PDE4D: variants seen among roughly 807,000 people sequenced by gnomAD.
PDE4D encodes 3',5'-cyclic-AMP phosphodiesterase 4D.
PDE4D carries 24 observed loss-of-function variants against 87.4 expected under a neutral mutation model. That is an observed-to-expected ratio of 0.27 (90% confidence interval 0.20 to 0.39). PDE4D has a LOEUF of 0.39. PDE4D is among the 10% of genes least tolerant of loss of function. The probability of loss-of-function intolerance (pLI) is 1.00; values close to 1 mark genes in which losing one functional copy is unlikely to be tolerated. For missense variants in PDE4D, 714 were observed against 1,041.0 expected (o/e 0.69, Z 4.32); for synonymous variants, 384 against 383.2 (o/e 1.00, Z -0.02).
intron 1 of PDE4D, among the ~76,000 whole-genome samples, chr5:59,418,054 C>T (rs957345602): frequency 6.6e-6 from 1 of 152,024 alleles, no homozygotes; most frequent in African/African-American, 2.4e-5. Context: ...TATTAGTTAC[C>T]ACCTTATTAC....
At chr5:59,054,353 A>G (rs1428039533) in intron 5 of PDE4D, among the ~76,000 whole-genome samples, 3 of 152,316 alleles carry the variant, frequency 2.0e-5, no homozygotes, top group African/African-American at 7.2e-5. Context: ...TTTATACTAT[A>G]ACCTGGTAGA....
At chr5:59,978,208 T>A (rs1761536982) in intron 3 of PDE4D, among the ~76,000 whole-genome samples, 1 of 152,318 alleles carries the variant, frequency 6.6e-6, no homozygotes, top group South Asian at 2.1e-4. Context: ...GCTATCGCTA[T>A]GATAGACACT....
intron 1 of PDE4D, among the ~76,000 whole-genome samples, chr5:60,415,682 G>C (rs1003844896): frequency 1.3e-5 from 2 of 152,210 alleles, no homozygotes; most frequent in Admixed American, 6.5e-5. Context: ...GTGCGGCCAC[G>C]CCTGAGTCTC....
chr5:59,820,027 T>G (rs1769449743), intron 1 of PDE4D, among the ~76,000 whole-genome samples: 1 of 152,162 alleles, frequency 6.6e-6, no homozygotes, highest in Non-Finnish European at 1.5e-5. Flanking sequence ...CCTTGGCCTG[T>G]CAGAAACACA....
intron 7 of PDE4D, 119 bp downstream of exon 7, chr5:58,993,253 C>A: frequency 3.7e-6 from 2 of 547,850 alleles, no homozygotes; most frequent in Non-Finnish European, 6.5e-6. Flanking sequence ...CGAATGAAAA[C>A]AAATAGAACT....
At chr5:59,546,896 G>A (rs1214388672) in intron 1 of PDE4D, among the ~76,000 whole-genome samples, 1 of 152,102 alleles carries the variant, frequency 6.6e-6, no homozygotes, top group Non-Finnish European at 1.5e-5. Context: ...TGAACTGGGT[G>A]AGTATACTCA....
At chr5:60,188,606 AG>A (rs774820003) in intron 1 of PDE4D, among the ~76,000 whole-genome samples, 4 of 152,000 alleles carry the variant, frequency 2.6e-5, no homozygotes, top group African/African-American at 4.8e-5. Context: ...GTGGAGATGG[AG>A]GGGAAATGGT....
chr5:59,061,901 A>G (rs993054957), intron 5 of PDE4D, among the ~76,000 whole-genome samples: 2 of 152,146 alleles, frequency 1.3e-5, no homozygotes, highest in African/African-American at 2.4e-5. Context: ...CATGTTGAGT[A>G]GAGACCTACC....
intron 1 of PDE4D, among the ~76,000 whole-genome samples, chr5:60,238,269 T>C (rs71627997): frequency 0.12 from 17,825 of 151,932 alleles, 1,111 homozygotes; most frequent in African/African-American, 0.15. Flanking sequence ...TGTAAGTCCA[T>C]TGCACAAATA....
At chr5:59,388,537 C>T (rs1787558794) in intron 1 of PDE4D, among the ~76,000 whole-genome samples, 1 of 151,862 alleles carries the variant, frequency 6.6e-6, no homozygotes, top group East Asian at 1.9e-4. Flanking sequence ...TATTTGCACT[C>T]CCATGTTCAT....
In PDE4D at chr5:59,531,032, A is replaced by G. The variant is rs1385217484; in HGVS notation, c.456-315064T>C. Among the ~76,000 whole-genome samples the G allele has an allele frequency of 2.6e-5, 4 of 152,252 alleles. No individual in the cohort carries two copies. In the East Asian group the frequency reaches 7.7e-4, roughly 29 times the overall value. On this transcript the variant is annotated intron_variant, in intron 1 of 14. Coordinates refer to ENST00000340635, the MANE Select transcript of PDE4D (RefSeq NM_001104631.2). ...TTTCTTAATGAACTCTCCAGCAAAC[A>G]TGAAAAAGTAAATGATGTTATTTGG...
intron 1 of PDE4D, among the ~76,000 whole-genome samples, chr5:59,706,478 C>T (rs1017855394): frequency 2.6e-5 from 4 of 152,060 alleles, no homozygotes; most frequent in Non-Finnish European, 4.4e-5. Flanking sequence ...GTGATTAAAT[C>T]GAAGGGCTGA....
Position 58,976,361 on chromosome 5 carries a change from C to T in PDE4D, c.1819G>A (p.Asp607Asn), listed in dbSNP as rs1463279737. 6.2e-7 allele frequency: 1 copy of T among 1,611,096 alleles called. No individual in the cohort carries two copies. The highest frequency in any genetic ancestry group is 8.5e-7 in the Non-Finnish European group (1 of 1,178,802). Residue 607 changes from aspartate (D) to asparagine (N), a missense_variant, in exon 13 of 15, where the codon GAT becomes AAT. Asp to Asn is a conservative substitution (Grantham distance 23). Coordinates refer to ENST00000340635, the MANE Select transcript of PDE4D (RefSeq NM_001104631.2). Reference protein sequence around the residue: ...SGVLLLDNYSDRIQVLQNMVH... With the variant: ...SGVLLLDNYSNRIQVLQNMVH... ...AAACAAGGCTTTACCTGAATCCTAT[C>T]GGAATAATTATCAAGAAGAAGAACT...
intron 1 of PDE4D, among the ~76,000 whole-genome samples, chr5:59,845,228 C>T (rs865979644): frequency 3.9e-5 from 6 of 152,072 alleles, no homozygotes; most frequent in Non-Finnish European, 7.4e-5. Context: ...GTGCTTTAAG[C>T]CACTGAGTTA....
Position 59,813,226 on chromosome 5 carries a change from C to G in PDE4D, c.455+79942G>C, listed in dbSNP as rs16890226. ...TTTTGGCAAAGATTACTAACCAAGT[C>G]AAGTTTACATTGGCTCAAGCCTCTC... On this transcript the variant is annotated intron_variant, in intron 1 of 14. Transcript: ENST00000340635. Among the ~76,000 whole-genome samples, 1,114 of 152,254 alleles carry G rather than the reference C, an allele frequency of 7.3e-3. 41 individuals carry two copies. The East Asian group carries it at 0.12, about 16-fold the overall frequency.
intron 2 of PDE4D, among the ~76,000 whole-genome samples, chr5:60,025,536 ATG>A (rs1766534803): frequency 1.3e-5 from 2 of 152,154 alleles, no homozygotes; most frequent in African/African-American, 4.8e-5. Flanking sequence ...AGCATGTAAA[ATG>A]ATTTAGTAAA....
intron 2 of PDE4D, among the ~76,000 whole-genome samples, chr5:60,090,945 A>C (rs80003647): frequency 0.019 from 2,863 of 152,232 alleles, 87 homozygotes; most frequent in African/African-American, 0.066. Context: ...CACACACACA[A>C]AAACACATCT....
chr5:59,419,726 A>G (rs576224957), intron 1 of PDE4D, among the ~76,000 whole-genome samples: 1 of 152,330 alleles, frequency 6.6e-6, no homozygotes, highest in Non-Finnish European at 1.5e-5. Flanking sequence ...AATATTTATT[A>G]TTGACATTGA....
At chr5:59,694,646 ATCT>A (rs948949642) in intron 1 of PDE4D, among the ~76,000 whole-genome samples, 3 of 152,204 alleles carry the variant, frequency 2.0e-5, no homozygotes, top group Non-Finnish European at 4.4e-5. Flanking sequence ...CATCCAGTAC[ATCT>A]TCTTCTTGAC....
Sources: gnomAD v4.1 joint callset for allele counts (sites outside exome capture counted in the v4.1 genomes callset) on GRCh38, gnomAD v4.1.1 for gene constraint, MANE v1.5 for transcripts, NCBI Gene and HGNC (gene_info 2026-07-23, HGNC 2026-07-21) for gene names.